Variants in CUL4A observed in about 807,000 individuals in gnomAD.
CUL4A encodes the protein cullin 4A.
CUL4A carries 16 observed loss-of-function variants against 95.5 expected under a neutral mutation model. That is an observed-to-expected ratio of 0.17 (90% CI 0.11 to 0.25). The LOEUF is 0.25. CUL4A is among the 10% of genes least tolerant of loss of function. The probability of loss-of-function intolerance (pLI) is 1.00; values close to 1 mark genes in which losing one functional copy is unlikely to be tolerated. For missense variants in CUL4A, 610 were observed against 937.0 expected, an observed-to-expected ratio of 0.65 and a Z score of 4.56; for synonymous variants, 380 against 353.1, an observed-to-expected ratio of 1.08 and a Z score of -0.85.
rs371148549 is a variant in CUL4A at position 113,232,039 on chromosome 13, C to T, written c.513-1138C>T. Among the ~76,000 whole-genome samples, 22 of 74,416 alleles carry T rather than the reference C, an allele frequency of 3.0e-4. No individual in the cohort carries two copies. In the East Asian group the frequency reaches 6.1e-3, roughly 21 times the overall value. The allele number at this position is 74,416 out of a possible 152,430, so 48.8% of individuals were successfully genotyped here. ...ACCACCACCACCACCATTACTGCTG[C>T]CACCACTACCCGCCCACCACCATTA... On this transcript the variant is annotated intron_variant, in intron 5 of 19. Transcript: ENST00000375440.
At chr13:113,236,381 C>T (rs1051829161) in intron 8 of CUL4A, among the ~76,000 whole-genome samples, 1 of 152,150 alleles carries the variant, frequency 6.6e-6, no homozygotes, top group African/African-American at 2.4e-5. Flanking sequence ...GCAGCCACAG[C>T]GAAGCCCCAC....
chr13:113,224,849 C>G (rs560301170), intron 3 of CUL4A, among the ~76,000 whole-genome samples: 1 of 152,216 alleles, frequency 6.6e-6, no homozygotes, highest in Non-Finnish European at 1.5e-5. Context: ...AACAAGCACC[C>G]CTGCCTTCAT....
chr13:113,263,368 C>T (rs1345428841), intron 19 of CUL4A, 119 bp from the exon 20 acceptor site: 2 of 386,596 alleles, frequency 5.2e-6, no homozygotes, highest in Non-Finnish European at 4.7e-6. Context: ...ATATAAATAT[C>T]TATTTGTATA....
intron 3 of CUL4A, among the ~76,000 whole-genome samples, chr13:113,222,300 G>A (rs2040927428): frequency 6.6e-6 from 1 of 152,110 alleles, no homozygotes; most frequent in Admixed American, 6.5e-5. Context: ...CTGTGTGTGT[G>A]CACTGTGGTG....
intron 3 of CUL4A, 45 bp downstream of exon 3, chr13:113,219,093 C>T (rs2040803639): frequency 8.4e-7 from 1 of 1,183,882 alleles, no homozygotes; most frequent in Non-Finnish European, 1.2e-6. Context: ...TTATCTAAGT[C>T]TTTTAAAACT....
At chr13:113,208,990 G>A (rs2040197034), upstream of CUL4A, 3 of 996,868 alleles carry the variant, frequency 3.0e-6, no homozygotes, top group African/African-American at 3.5e-5. Context: ...AGGCCGCGGA[G>A]GACCCTCCGC....
intron 18 of CUL4A, among the ~76,000 whole-genome samples, chr13:113,258,210 T>C (rs945595809): frequency 4.6e-5 from 7 of 152,038 alleles, no homozygotes; most frequent in African/African-American, 1.4e-4. Flanking sequence ...AGGCTGGTCT[T>C]GAACTCCTGG....
chr13:113,235,206 CTGGTTAT>C (rs1233562474), intron 8 of CUL4A, 61 bp downstream of exon 8: 14 of 1,180,416 alleles, frequency 1.2e-5, no homozygotes, highest in Non-Finnish European at 1.8e-5. Context: ...GTTCTCCTGG[CTGGTTAT>C]TGAAATAAAG....
At chr13:113,249,842 T>G (rs2041950219) in intron 15 of CUL4A, among the ~76,000 whole-genome samples, 1 of 152,240 alleles carries the variant, frequency 6.6e-6, no homozygotes, top group African/African-American at 2.4e-5. Flanking sequence ...CCCTGATGAC[T>G]GTTGATGTTG....
intron 10 of CUL4A, among the ~76,000 whole-genome samples, chr13:113,241,621 T>TC (rs1230319104): frequency 6.6e-6 from 1 of 151,348 alleles, no homozygotes; most frequent in Non-Finnish European, 1.5e-5. Flanking sequence ...TTCAAGCAGT[T>TC]CCCTGCCTCA....
At chr13:113,216,283 A>G (rs2040690124) in intron 2 of CUL4A, among the ~76,000 whole-genome samples, 1 of 152,234 alleles carries the variant, frequency 6.6e-6, no homozygotes, top group African/African-American at 2.4e-5. Flanking sequence ...GATTGCCCTT[A>G]TCCGCAGTGA....
Position 113,233,978 on chromosome 13 carries a change from G to A in CUL4A, c.757G>A (p.Glu253Lys), listed in dbSNP as rs1417560297. The change falls in exon 7 of 20, where the codon GAA (glutamate) becomes AAA (lysine). Residue 253 changes from glutamate (E) to lysine (K), a missense_variant. This residue lies in a region of CUL4A where 153 missense variants were observed against 244.5 expected (regional missense o/e 0.63). Coordinates refer to ENST00000375440, the MANE Select transcript of CUL4A (RefSeq NM_001008895.4). ...TGCCGAAGGCCAAAGGTTAATGCAGGAAAGAGAGGTGAGATGATGGGATGT... is the reference window on the plus strand; with the variant it reads ...TGCCGAAGGCCAAAGGTTAATGCAGAAAAGAGAGGTGAGATGATGGGATGT... ...YAAEGQRLMQ[E>K]REVPEYLNHV... 2.5e-6 allele frequency: 4 copies of A among 1,606,070 alleles called. No homozygotes were observed. The highest frequency in any genetic ancestry group is 3.4e-6 in the Non-Finnish European group (4 of 1,174,320).
chr13:113,208,438 G>A (rs1422365844), upstream of CUL4A: 30 of 1,507,100 alleles, frequency 2.0e-5, no homozygotes, highest in Non-Finnish European at 2.4e-5. Context: ...CCGAGTCCCG[G>A]CCGCCGCTGT....
chr13:113,244,756 C>T (rs766741294), intron 12 of CUL4A, among the ~76,000 whole-genome samples, 193 bp from the exon 13 acceptor site: 1 of 151,400 alleles, frequency 6.6e-6, no homozygotes, highest in Admixed American at 6.6e-5. Flanking sequence ...CAGAGAATGG[C>T]GTGAACGCGG....
chr13:113,235,947 GGCGACAGAGCGAGACTCC>G (rs1387802626), intron 8 of CUL4A, among the ~76,000 whole-genome samples: 1 of 151,466 alleles, frequency 6.6e-6, no homozygotes, highest in Non-Finnish European at 1.5e-5. Flanking sequence ...CTCCAGCCTG[GGCGACAGAGCGAGACTCC>G]GTCTCAAAAA....
chr13:113,259,027 C>T (rs558873195), intron 18 of CUL4A, among the ~76,000 whole-genome samples: 7 of 152,274 alleles, frequency 4.6e-5, no homozygotes, highest in South Asian at 4.1e-4. Flanking sequence ...ACATTTCTGA[C>T]GGTTTTTATC....
chr13:113,209,819 G>A (rs1878189345), intron 1 of CUL4A, 44 bp downstream of exon 1: 1 of 1,160,344 alleles, frequency 8.6e-7, no homozygotes, highest in Non-Finnish European at 1.1e-6. Context: ...CCCGGGCGGG[G>A]ACCCCACGAG....
chr13:113,210,117 C>T, intron 2 of CUL4A, 29 bp downstream of exon 2: 1 of 1,392,240 alleles, frequency 7.2e-7, no homozygotes. Flanking sequence ...CTGGGGACGC[C>T]GCTCCTGCCC....
chr13:113,237,260 AG>A (rs2041575642), intron 9 of CUL4A, among the ~76,000 whole-genome samples: 1 of 151,990 alleles, frequency 6.6e-6, no homozygotes, highest in Non-Finnish European at 1.5e-5. Context: ...GGACTCGGGG[AG>A]CTGTTCGGGC....
Sources: allele counts gnomAD v4.1 joint callset (sites outside exome capture counted in the v4.1 genomes callset), GRCh38; gene constraint gnomAD v4.1.1; regional missense constraint gnomAD v4.1.1; transcripts MANE v1.5; gene names NCBI Gene and HGNC (gene_info 2026-07-23, HGNC 2026-07-21).